AFF2: variants seen among roughly 807,000 people sequenced by gnomAD.
AFF2 encodes the protein ALF transcription elongation factor 2.
Under a neutral mutation model 76.9 loss-of-function variants are expected in AFF2, and 14 were observed. The observed-to-expected ratio is 0.18, with a 90% CI of 0.12 to 0.28. The LOEUF (loss-of-function observed/expected upper bound fraction) is 0.28, where lower values mean the gene tolerates loss of function less well. Ranked by LOEUF, AFF2 falls within the 10% of genes least tolerant of loss-of-function variation. The pLI is 1.00. For synonymous variants in AFF2, 398 were observed against 366.7 expected (o/e 1.09, Z -0.98); for missense variants, 868 against 1,001.1 (o/e 0.87, Z 1.79).
At chrX:148,535,040 G>A (rs1016265926) in intron 1 of AFF2, among the ~76,000 whole-genome samples, 1 of 111,401 alleles carries the variant, frequency 9.0e-6, no homozygotes, top group Non-Finnish European at 1.9e-5. Context: ...TGTGGCCTGG[G>A]TAAAGTTACT....
intron 1 of AFF2, among the ~76,000 whole-genome samples, chrX:148,635,660 T>C (rs1557253691): frequency 9.0e-6 from 1 of 111,484 alleles, no homozygotes; most frequent in Non-Finnish European, 1.9e-5. Flanking sequence ...CTGGAAACTC[T>C]GAATGCAGCC....
Position 148,813,409 on chromosome X carries a change from C to T in AFF2, c.1086+3489C>T, listed in dbSNP as rs781954145. On this transcript the variant is annotated intron_variant, in intron 4 of 20. Coordinates refer to ENST00000370460, the MANE Select transcript of AFF2 (RefSeq NM_002025.4). The stretch of plus-strand genomic sequence containing the variant: ...GAACAGATCTTAGAAATTAATTCTT[C>T]TTTTTTGTCATTCTTTAATATTTTG... 5.4e-5 allele frequency among the ~76,000 whole-genome samples: 6 copies of T among 112,015 alleles called. No individual in the cohort carries two copies. The East Asian group carries it at 1.7e-3, about 32-fold the overall frequency.
intron 9 of AFF2, among the ~76,000 whole-genome samples, chrX:148,932,311 A>T (rs2071723476): frequency 8.9e-6 from 1 of 112,176 alleles, no homozygotes; most frequent in Admixed American, 9.4e-5. Flanking sequence ...GATTCACAAG[A>T]AACTATAGGC....
At chrX:148,794,887 A>T (rs782112980) in intron 3 of AFF2, among the ~76,000 whole-genome samples, 75 of 111,821 alleles carry the variant, frequency 6.7e-4, no homozygotes, top group African/African-American at 2.4e-3. Context: ...TGGAAGAAAC[A>T]CTGGATTGTT....
intron 1 of AFF2, among the ~76,000 whole-genome samples, chrX:148,608,178 GT>G (rs1380181851): frequency 9.8e-5 from 11 of 111,679 alleles, no homozygotes; most frequent in Non-Finnish European, 2.1e-4. Context: ...GGATTATATA[GT>G]TTTGGGAGAT....
intron 9 of AFF2, among the ~76,000 whole-genome samples, chrX:148,921,635 C>T (rs2071597136): frequency 8.9e-6 from 1 of 112,418 alleles, no homozygotes; most frequent in Non-Finnish European, 1.9e-5. Flanking sequence ...ATGGTCTTCC[C>T]TTTTCTACAT....
At chrX:148,764,517 AT>A (rs781836565) in intron 3 of AFF2, among the ~76,000 whole-genome samples, 1 of 112,454 alleles carries the variant, frequency 8.9e-6, no homozygotes, top group Non-Finnish European at 1.9e-5. Context: ...TATCAGTGAT[AT>A]GAATGCTGTT....
intron 3 of AFF2, among the ~76,000 whole-genome samples, chrX:148,689,988 A>G (rs1409441853): frequency 8.9e-6 from 1 of 112,295 alleles, no homozygotes; most frequent in Non-Finnish European, 1.9e-5. Flanking sequence ...TTCTGTATAT[A>G]AAATCCTAGA....
rs782384028 is a variant in AFF2 at position 148,637,712 on chromosome X, C to T, written c.48-14287C>T. ...TTAATGCTATATTTAATATTTTTTA[C>T]ATACTAAGCCTTTGAAATCTGTTAT... On this transcript the variant is annotated intron_variant, in intron 1 of 20. Transcript: ENST00000370460. Among the ~76,000 whole-genome samples the T allele has an allele frequency of 3.0e-3, 335 of 112,293 alleles. 2 individuals are homozygous for T. Among genetic ancestry groups the T allele is most frequent in the African/African-American group, 0.01 (319 of 30,947 alleles).
intron 1 of AFF2, among the ~76,000 whole-genome samples, chrX:148,572,087 T>C (rs531117176): frequency 4.6e-5 from 5 of 109,588 alleles, no homozygotes; most frequent in African/African-American, 1.7e-4. Flanking sequence ...AATTAAAAAT[T>C]GGCAAAGCAT....
chrX:148,661,195 C>T (rs782339683), intron 2 of AFF2, among the ~76,000 whole-genome samples: 1 of 112,572 alleles, frequency 8.9e-6, no homozygotes, highest in Non-Finnish European at 1.9e-5. Flanking sequence ...TGAAAAGACA[C>T]AGAAGGGCTT....
At chrX:148,580,745 GTA>G (rs59447437) in intron 1 of AFF2, among the ~76,000 whole-genome samples, 17 of 106,036 alleles carry the variant, frequency 1.6e-4, no homozygotes, top group Non-Finnish European at 2.9e-4. Flanking sequence ...GTGTGTGTGT[GTA>G]TATATATATG....
intron 1 of AFF2, among the ~76,000 whole-genome samples, chrX:148,544,769 C>G (rs1462178637): frequency 8.9e-6 from 1 of 111,772 alleles, no homozygotes; most frequent in Non-Finnish European, 1.9e-5. Flanking sequence ...AACAGCCAGT[C>G]CAGTCACTGG....
chrX:148,517,479 C>A (rs1222736072), intron 1 of AFF2, among the ~76,000 whole-genome samples: 3 of 111,653 alleles, frequency 2.7e-5, no homozygotes, highest in Non-Finnish European at 5.6e-5. Context: ...GGATGCCAAG[C>A]GGACCCAACA....
At chrX:148,762,564 TA>T (rs2069465377) in intron 3 of AFF2, among the ~76,000 whole-genome samples, 1 of 108,589 alleles carries the variant, frequency 9.2e-6, no homozygotes, top group Non-Finnish European at 1.9e-5. Context: ...GCTGGTTCCA[TA>T]TTTTTGCAAT....
intron 7 of AFF2, among the ~76,000 whole-genome samples, chrX:148,848,133 A>C (rs1275558543): frequency 9.0e-6 from 1 of 110,670 alleles, no homozygotes; most frequent in Non-Finnish European, 1.9e-5. Context: ...AGTATGCCAA[A>C]GTTTTCCTTT....
chrX:148,960,250 C>G (rs184169517), intron 12 of AFF2, among the ~76,000 whole-genome samples: 7 of 112,424 alleles, frequency 6.2e-5, no homozygotes, highest in Admixed American at 3.7e-4. Flanking sequence ...GTGAGCTTCT[C>G]TGTGTTACGT....
chrX:148,837,756 T>G lies in AFF2; in HGVS notation c.1173+23T>G, dbSNP rs56151227. 6.5e-3 allele frequency: 6,901 copies of G among 1,059,981 alleles called. 36 individuals are homozygous for G. The highest frequency in any genetic ancestry group is 0.023 in the Middle Eastern group (91 of 3,977). The allele number at this position is 1,059,981 out of a possible 1,213,427, so 87.4% of individuals were successfully genotyped here. A position where few individuals can be genotyped will look rare whatever the true frequency, so the allele number is the denominator to read the frequency against. On this transcript the variant is annotated intron_variant, in intron 5 of 20. Coordinates refer to ENST00000370460, the MANE Select transcript of AFF2 (RefSeq NM_002025.4). ...CAGGTCAGTTCTCTTCCTTCCTGCATTTTTGTTTGTCTTATTTTAATTATA... is the reference window on the plus strand; with the variant it reads ...CAGGTCAGTTCTCTTCCTTCCTGCAGTTTTGTTTGTCTTATTTTAATTATA...
intron 7 of AFF2, among the ~76,000 whole-genome samples, chrX:148,882,451 G>A (rs967483042): frequency 2.7e-5 from 3 of 111,938 alleles, no homozygotes; most frequent in African/African-American, 6.5e-5. Flanking sequence ...GATGAACATT[G>A]TGGATGACTA....
Sources: allele counts gnomAD v4.1 joint callset (sites outside exome capture counted in the v4.1 genomes callset), GRCh38; gene constraint gnomAD v4.1.1; transcripts MANE v1.5; gene names NCBI Gene and HGNC (gene_info 2026-07-23, HGNC 2026-07-21).